METTL21A: variants seen among roughly 807,000 people sequenced by gnomAD.
METTL21A encodes the protein protein N-lysine methyltransferase METTL21A.
METTL21A carries 22 observed loss-of-function variants against 20.9 expected under a neutral mutation model. That is an observed-to-expected ratio of 1.05 (90% CI 0.75 to 1.50). The LOEUF is 1.50. Ranked by LOEUF, METTL21A falls within the 40% of genes most tolerant of loss-of-function variation. The pLI is 0.00. For missense variants in METTL21A, 271 were observed against 266.8 expected, an observed-to-expected ratio of 1.02 and a Z score of -0.11; for synonymous variants, 93 against 102.0, an observed-to-expected ratio of 0.91 and a Z score of 0.53.
intron 3 of METTL21A, among the ~76,000 whole-genome samples, chr2:207,619,017 G>A (rs761138433): frequency 6.6e-6 from 1 of 152,112 alleles, no homozygotes; most frequent in Non-Finnish European, 1.5e-5. Context: ...CTGGAAGGGC[G>A]CTATAAGTAG....
At chr2:207,615,877 G>A (rs569515917) in intron 3 of METTL21A, among the ~76,000 whole-genome samples, 5 of 151,872 alleles carry the variant, frequency 3.3e-5, no homozygotes, top group Non-Finnish European at 5.9e-5. Flanking sequence ...GGTGGACTGG[G>A]ATTTCTTAAT....
At chr2:207,621,957 T>C (rs749318895) in intron 2 of METTL21A, 40 bp from the exon 3 acceptor site, 26 of 1,560,162 alleles carry the variant, frequency 1.7e-5, no homozygotes, top group Non-Finnish European at 2.1e-5. Context: ...AAGGTCAACA[T>C]GTGCTTGAGT....
intron 3 of METTL21A, among the ~76,000 whole-genome samples, chr2:207,593,245 G>T (rs2085428169): frequency 6.6e-6 from 1 of 152,204 alleles, no homozygotes. Context: ...TTGTATCAAG[G>T]CTGGGTGCGG....
exon 4 of METTL21A, chr2:207,582,037 C>T: frequency 2.9e-6 from 2 of 699,340 alleles, no homozygotes; most frequent in Admixed American, 2.0e-5. Context: ...GGAGCACATA[C>T]ATAATTGGCG....
At chr2:207,585,515 A>T (rs1368905935) in intron 3 of METTL21A, among the ~76,000 whole-genome samples, 1 of 152,214 alleles carries the variant, frequency 6.6e-6, no homozygotes, top group Non-Finnish European at 1.5e-5. Context: ...CACAAGAAAC[A>T]TAAAATACTG....
chr2:207,580,932 C>T (rs180675841), downstream of METTL21A: 150 of 217,088 alleles, frequency 6.9e-4, no homozygotes, highest in Non-Finnish European at 1.2e-3. Context: ...TACATCTACT[C>T]GTGATCTGTT....
At chr2:207,585,866 C>T (rs951299791) in intron 3 of METTL21A, among the ~76,000 whole-genome samples, 26 of 152,068 alleles carry the variant, frequency 1.7e-4, no homozygotes, top group African/African-American at 5.6e-4. Flanking sequence ...AGAAAGCCTA[C>T]ATAGGACATC....
rs978747261 is a variant in METTL21A at position 207,624,365 on chromosome 2, A to C, written c.11T>G (p.Val4Gly). 6.2e-7 allele frequency: 1 copy of C among 1,613,262 alleles called. No homozygotes were observed. Among genetic ancestry groups the C allele is most frequent in the Admixed American group, 1.7e-5 (1 of 59,870 alleles). Residue 4 changes from valine to glycine, a missense_variant, in exon 2 of 4, where the codon GTG becomes GGG. By Grantham distance (109) the Val-to-Gly change is moderately radical. Coordinates refer to ENST00000406927, the Ensembl canonical transcript of METTL21A. Reference sequence around the variant, plus strand: ...AAATTCCGTGGTCTCCTCATAGGGCACGAGGGCCATTCCGCCTGCACCCCG... The same window carrying C: ...AAATTCCGTGGTCTCCTCATAGGGCCCGAGGGCCATTCCGCCTGCACCCCG...
At chr2:207,597,688 C>T (rs2086394906) in intron 3 of METTL21A, 1 of 206,346 alleles carries the variant, frequency 4.8e-6, no homozygotes, top group South Asian at 1.9e-4. Flanking sequence ...TTCTTAAAAG[C>T]ATTCTGTACT....
intron 3 of METTL21A, chr2:207,620,621 G>A (rs1251347089): frequency 1.9e-5 from 29 of 1,498,002 alleles, no homozygotes; most frequent in Middle Eastern, 1.7e-4. Context: ...TAACATACAC[G>A]GGAATGTTCT....
chr2:207,592,793 C>T (rs1050183550), intron 3 of METTL21A, among the ~76,000 whole-genome samples: 3 of 151,982 alleles, frequency 2.0e-5, no homozygotes, highest in African/African-American at 7.2e-5. Context: ...GTGGCGCATG[C>T]CTGTAGTCCC....
In METTL21A at chr2:207,590,025, A is replaced by G. The variant is rs1156557984; in HGVS notation, c.260-7865T>C. 4.2e-5 allele frequency among the ~76,000 whole-genome samples: 6 copies of G among 143,008 alleles called. No homozygotes were observed. In the Middle Eastern group the frequency reaches 0.016, roughly 375 times the overall value. 93.8% of individuals were successfully genotyped at this position (143,008 alleles called of 152,430 possible). A position where few individuals can be genotyped will look rare whatever the true frequency, so the allele number is the denominator to read the frequency against. On this transcript the variant is annotated intron_variant, in intron 3 of 3. Transcript: ENST00000425132. ...AATATTTGTATTATTTAAGCCTTATATGGTTGGTAGAATTTGCCAGTGAAC... is the reference window on the plus strand; with the variant it reads ...AATATTTGTATTATTTAAGCCTTATGTGGTTGGTAGAATTTGCCAGTGAAC...
At chr2:207,606,675 G>A (rs201785330), downstream of METTL21A, among the ~76,000 whole-genome samples, 4 of 152,258 alleles carry the variant, frequency 2.6e-5, no homozygotes, top group South Asian at 8.3e-4. Flanking sequence ...GGGGAGCAGT[G>A]AGGTTGTGAC....
chr2:207,581,284 AT>A (rs2082923836), downstream of METTL21A: 1 of 197,372 alleles, frequency 5.1e-6, no homozygotes, highest in Admixed American at 6.1e-5. Flanking sequence ...AATTTGAAAA[AT>A]TCTAAAAAAA....
intron 3 of METTL21A, chr2:207,602,246 A>T (rs2106636879): frequency 5.4e-6 from 1 of 185,542 alleles, no homozygotes; most frequent in South Asian, 2.0e-4. Flanking sequence ...AAATTTAAAA[A>T]ATATATAAAT....
At chr2:207,604,966 A>G (rs1575086093), downstream of METTL21A, among the ~76,000 whole-genome samples, 1 of 152,310 alleles carries the variant, frequency 6.6e-6, no homozygotes, top group Admixed American at 6.5e-5. Context: ...TATATACCAC[A>G]AGTTTATCGA....
intron 3 of METTL21A, among the ~76,000 whole-genome samples, chr2:207,614,710 T>C (rs911533007): frequency 2.6e-5 from 4 of 152,188 alleles, no homozygotes; most frequent in Non-Finnish European, 5.9e-5. Flanking sequence ...AGATCCTTTT[T>C]TTTGAACCAA....
downstream of METTL21A, among the ~76,000 whole-genome samples, chr2:207,606,293 C>A (rs369937335): frequency 1.6e-4 from 25 of 152,162 alleles, no homozygotes; most frequent in African/African-American, 6.0e-4. Flanking sequence ...CCAGCCTGAC[C>A]AACATGGTGA....
chr2:207,597,286 T>C (rs1380255902), intron 3 of METTL21A: 3 of 437,022 alleles, frequency 6.9e-6, no homozygotes, highest in Non-Finnish European at 1.2e-5. Flanking sequence ...CCAGGAATCA[T>C]GAAGAGACTT....
Sources: gnomAD v4.1 joint callset for allele counts (sites outside exome capture counted in the v4.1 genomes callset) on GRCh38, gnomAD v4.1.1 for gene constraint, MANE v1.5 for transcripts, NCBI Gene and HGNC (gene_info 2026-07-23, HGNC 2026-07-21) for gene names.